The following PLXDC2 variants were observed in gnomAD, a reference collection of about 807,000 sequenced individuals.
PLXDC2 encodes plexin domain-containing protein 2.
Under a neutral mutation model 68.9 loss-of-function variants are expected in PLXDC2, and 40 were observed. That is an observed-to-expected ratio of 0.58 (90% confidence interval 0.45 to 0.76). The LOEUF is 0.76. PLXDC2 is among the 30% of genes least tolerant of loss of function. PLXDC2 has a pLI of 0.00. For missense variants in PLXDC2, 644 were observed against 661.9 expected, an observed-to-expected ratio of 0.97 and a Z score of 0.30; for synonymous variants, 243 against 234.2, an observed-to-expected ratio of 1.04 and a Z score of -0.34.
chr10:19,950,753 G>A (rs1397532169), intron 1 of PLXDC2, among the ~76,000 whole-genome samples: 1 of 152,014 alleles, frequency 6.6e-6, no homozygotes, highest in Non-Finnish European at 1.5e-5. Context: ...TTCAAACATA[G>A]TATACGGCTA....
At chr10:20,191,562 C>G (rs930262684) in intron 9 of PLXDC2, among the ~76,000 whole-genome samples, 2 of 151,318 alleles carry the variant, frequency 1.3e-5, no homozygotes, top group African/African-American at 4.9e-5. Context: ...TCTTTTGTCA[C>G]TGCCCAGATT....
intron 4 of PLXDC2, among the ~76,000 whole-genome samples, chr10:20,133,007 G>T (rs1417907026): frequency 5.3e-5 from 8 of 151,638 alleles, no homozygotes; most frequent in African/African-American, 1.9e-4. Flanking sequence ...TTCCTTCGTG[G>T]TTACCACTAA....
intron 12 of PLXDC2, among the ~76,000 whole-genome samples, chr10:20,225,462 A>G (rs1835274043): frequency 1.3e-5 from 2 of 152,086 alleles, no homozygotes; most frequent in Admixed American, 6.5e-5. Flanking sequence ...TTGAATATCT[A>G]TCACTTTCTG....
intron 9 of PLXDC2, among the ~76,000 whole-genome samples, chr10:20,188,666 A>G (rs1320664865): frequency 1.3e-5 from 2 of 151,800 alleles, no homozygotes; most frequent in Admixed American, 1.3e-4. Context: ...ACTGAGAAAT[A>G]TTATAGAAAA....
At chr10:20,232,570 T>G (rs1835379282) in intron 12 of PLXDC2, among the ~76,000 whole-genome samples, 1 of 152,190 alleles carries the variant, frequency 6.6e-6, no homozygotes, top group Admixed American at 6.5e-5. Context: ...TACTGATACA[T>G]GCAATAAAAC....
At chr10:19,899,811 A>T (rs997571703) in intron 1 of PLXDC2, among the ~76,000 whole-genome samples, 2 of 152,138 alleles carry the variant, frequency 1.3e-5, no homozygotes, top group African/African-American at 4.8e-5. Context: ...TTATGTGTTC[A>T]TGATATGAAA....
intron 9 of PLXDC2, among the ~76,000 whole-genome samples, chr10:20,205,234 G>T (rs1834975656): frequency 6.6e-6 from 1 of 151,896 alleles, no homozygotes; most frequent in Non-Finnish European, 1.5e-5. Flanking sequence ...GTTCCCTGGG[G>T]GCTTTGAAAT....
intron 1 of PLXDC2, among the ~76,000 whole-genome samples, chr10:19,883,123 A>T (rs1381159483): frequency 6.6e-6 from 1 of 151,490 alleles, no homozygotes; most frequent in African/African-American, 2.4e-5. Flanking sequence ...CGCCCGGCTA[A>T]TTTTTTGTTT....
chr10:20,131,381 A>C (rs1198422522), intron 4 of PLXDC2, among the ~76,000 whole-genome samples: 5 of 151,804 alleles, frequency 3.3e-5, no homozygotes, highest in Admixed American at 2.6e-4. Flanking sequence ...TATCAATTGT[A>C]ATCTCTTCTT....
intron 4 of PLXDC2, among the ~76,000 whole-genome samples, chr10:20,075,641 A>G (rs1836428154): frequency 2.0e-5 from 3 of 152,190 alleles, no homozygotes; most frequent in African/African-American, 7.2e-5. Flanking sequence ...CCCAGAGAGA[A>G]AGCACCCAGG....
intron 2 of PLXDC2, among the ~76,000 whole-genome samples, chr10:20,041,360 A>G (rs1330850700): frequency 6.6e-6 from 1 of 152,138 alleles, no homozygotes; most frequent in Non-Finnish European, 1.5e-5. Context: ...CATTGTTATT[A>G]TCAGATATTA....
At position 20,267,635 on chromosome 10, in the gene PLXDC2, T is replaced by A. The variant is rs1835887503; in HGVS notation, c.1474-12068T>A. ...TTTGAGGGATTCCTTTATTTCCCAC[T>A]CCTACACAATTTTCTTGAGCTATTG... On this transcript the variant is annotated intron_variant, in intron 13 of 13. Transcript: ENST00000377252. 2.0e-5 allele frequency among the ~76,000 whole-genome samples: 3 copies of A among 152,058 alleles called. 1 individual carries two copies. Among genetic ancestry groups the A allele is most frequent in the South Asian group, 4.1e-4 (2 of 4,826 alleles).
intron 2 of PLXDC2, among the ~76,000 whole-genome samples, chr10:20,029,916 C>T (rs541866251): frequency 1.2e-4 from 18 of 152,268 alleles, no homozygotes; most frequent in African/African-American, 4.3e-4. Context: ...AGTGAGTTGG[C>T]AACAAGGTTT....
chr10:20,255,732 A>C (rs1194960451), intron 13 of PLXDC2, among the ~76,000 whole-genome samples: 1 of 152,090 alleles, frequency 6.6e-6, no homozygotes, highest in African/African-American at 2.4e-5. Context: ...AGAGACCAAA[A>C]ACATTAACAA....
At chr10:20,062,878 C>T (rs1480095763) in intron 3 of PLXDC2, among the ~76,000 whole-genome samples, 2 of 151,940 alleles carry the variant, frequency 1.3e-5, no homozygotes, top group African/African-American at 4.8e-5. Flanking sequence ...GAAATATTTA[C>T]ATAAATAAAA....
chr10:20,193,050 C>T (rs1291459224), intron 9 of PLXDC2, among the ~76,000 whole-genome samples: 2 of 152,002 alleles, frequency 1.3e-5, no homozygotes, highest in African/African-American at 4.8e-5. Context: ...ATTATATGGC[C>T]CCCTTCCCTA....
chr10:19,970,825 A>G (rs551918856), intron 1 of PLXDC2, among the ~76,000 whole-genome samples: 3 of 152,270 alleles, frequency 2.0e-5, no homozygotes, highest in South Asian at 2.1e-4. Context: ...TGAAAAAGCA[A>G]TAGAGAACAA....
intron 4 of PLXDC2, among the ~76,000 whole-genome samples, chr10:20,073,737 G>GT (rs1345502904): frequency 9.9e-5 from 15 of 152,158 alleles, no homozygotes; most frequent in African/African-American, 3.6e-4. Flanking sequence ...CATCAAAACA[G>GT]TTTCATTAGT....
intron 2 of PLXDC2, among the ~76,000 whole-genome samples, chr10:20,022,463 C>T (rs905803432): frequency 3.3e-5 from 5 of 152,164 alleles, no homozygotes; most frequent in Non-Finnish European, 7.3e-5. Flanking sequence ...AGGCTGAGGT[C>T]AGAACCCAGA....
Sources: allele counts gnomAD v4.1 joint callset (sites outside exome capture counted in the v4.1 genomes callset), GRCh38; gene constraint gnomAD v4.1.1; transcripts MANE v1.5; gene names NCBI Gene and HGNC (gene_info 2026-07-23, HGNC 2026-07-21).